The following HERC2 variants were observed in gnomAD, a reference collection of about 807,000 sequenced individuals.
HERC2 encodes the protein HECT and RLD domain containing E3 ubiquitin protein ligase 2, also known as E3 ubiquitin-protein ligase HERC2.
Under a neutral mutation model 537.7 loss-of-function variants are expected in HERC2, and 102 were observed. That is an observed-to-expected ratio of 0.19 (90% CI 0.16 to 0.22). The LOEUF is 0.22. HERC2 is among the 10% of genes least tolerant of loss of function. The pLI is 1.00. For missense variants in HERC2, 4,236 were observed against 6,198.2 expected (o/e 0.68, Z 10.63); for synonymous variants, 2,224 against 2,466.2 (o/e 0.90, Z 2.91).
Position 28,236,424 on chromosome 15 carries a change from G to A in HERC2, c.4003+539C>T, listed in dbSNP as rs2346092. 3.7e-3 allele frequency among the ~76,000 whole-genome samples: 562 copies of A among 151,762 alleles called. 4 individuals are homozygous for A. The highest frequency in any genetic ancestry group is 0.011 in the African/African-American group (473 of 41,352). The stretch of plus-strand genomic sequence containing the variant: ...TCCTACCTCAGCCTCCCGAGTAACT[G>A]GGATTACAGGCACCCGTCACCACGC... On this transcript the variant is annotated intron_variant, in intron 26 of 92. Coordinates refer to ENST00000261609, the MANE Select transcript of HERC2 (RefSeq NM_004667.6).
intron 69 of HERC2, among the ~76,000 whole-genome samples, chr15:28,155,672 A>G (rs1892934211): frequency 6.6e-6 from 1 of 151,894 alleles, no homozygotes; most frequent in South Asian, 2.1e-4. Flanking sequence ...GACCTTTGTC[A>G]GATGAGTAGA....
At chr15:28,121,665 G>A (rs1288710218) in intron 85 of HERC2, among the ~76,000 whole-genome samples, 1 of 152,148 alleles carries the variant, frequency 6.6e-6, no homozygotes, top group African/African-American at 2.4e-5. Context: ...AGGTCCCTCA[G>A]GAAACTACCT....
intron 79 of HERC2, among the ~76,000 whole-genome samples, chr15:28,133,346 T>C (rs1890300643): frequency 6.6e-6 from 1 of 152,202 alleles, no homozygotes; most frequent in Non-Finnish European, 1.5e-5. Flanking sequence ...TTTATATATT[T>C]TGGCTATCAG....
intron 86 of HERC2, 180 bp from the exon 87 acceptor site, chr15:28,117,334 A>T (rs1888379538): frequency 1.4e-6 from 1 of 720,262 alleles, no homozygotes; most frequent in Non-Finnish European, 2.5e-6. Context: ...TCGACTGTGG[A>T]CACCCGAGAC....
At chr15:28,117,246 G>GGGCCC in intron 86 of HERC2, 92 bp from the exon 87 acceptor site, 2 of 1,270,486 alleles carry the variant, frequency 1.6e-6, no homozygotes, top group East Asian at 2.3e-5. Flanking sequence ...GCACGAGGAG[G>GGGCCC]AGGCACCGTG....
At chr15:28,230,602 A>G in intron 30 of HERC2, 102 bp from the exon 31 acceptor site, 1 of 784,656 alleles carries the variant, frequency 1.3e-6, no homozygotes, top group Non-Finnish European at 2.1e-6. Context: ...ATCTCATTCA[A>G]ATAAACATCT....
rs1488362626 is a variant in HERC2 at position 28,177,718 on chromosome 15, AT to A, written c.9164-210del. Among the ~76,000 whole-genome samples, 9 of 152,334 alleles carry A rather than the reference AT, an allele frequency of 5.9e-5. No individual in the cohort carries two copies. In the East Asian group the frequency reaches 1.7e-3, roughly 29 times the overall value. On this transcript the variant is annotated intron_variant, in intron 59 of 92. Coordinates refer to ENST00000261609, the MANE Select transcript of HERC2 (RefSeq NM_004667.6). This position sits in a 1 kb window ranked among gnomAD's most constrained non-coding sequence, Gnocchi z 5.0. Reference sequence around the variant, plus strand: ...TAGGTGAATTTTCACTAAACTACAAATTTTAACTCTAGAAAGAATTTGCAAA... The same window carrying A: ...TAGGTGAATTTTCACTAAACTACAAATTTAACTCTAGAAAGAATTTGCAAA...
rs1282370770 is a variant in HERC2, at chr15:28,113,294, ATGTC to A, written c.14020-15_14020-12del. ...AGGGCTGCCACACACCTGCGGGAGG[ATGTC>A]TGTCAGGGCCGCGTGATGCTTCCCA... On this transcript the variant is annotated splice_polypyrimidine_tract_variant and intron_variant, in intron 91 of 92. Coordinates refer to ENST00000261609, the MANE Select transcript of HERC2 (RefSeq NM_004667.6). The surrounding 1 kb of genome is among the most constrained non-coding windows in gnomAD (Gnocchi z 7.0). The A allele has an allele frequency of 1.2e-6, 2 of 1,613,312 alleles. No homozygotes were observed. Among genetic ancestry groups the A allele is most frequent in the South Asian group, 2.2e-5 (2 of 91,054 alleles).
chr15:28,224,442 A>C lies in HERC2; in HGVS notation c.5465-2227T>G, dbSNP rs1221885877. ...TCTCTATGTTGCCCAAGTTGGTCTC[A>C]AACTCCTGAGCTCAAGCGACCCACC... On this transcript the variant is annotated intron_variant, in intron 35 of 92. Coordinates refer to ENST00000261609, the MANE Select transcript of HERC2 (RefSeq NM_004667.6). 2.0e-5 allele frequency among the ~76,000 whole-genome samples: 3 copies of C among 152,296 alleles called. No individual in the cohort carries two copies. In the South Asian group the frequency reaches 6.2e-4, roughly 32 times the overall value.
At chr15:28,279,008 T>C (rs1333039180) in intron 5 of HERC2, among the ~76,000 whole-genome samples, 1 of 152,214 alleles carries the variant, frequency 6.6e-6, no homozygotes, top group Non-Finnish European at 1.5e-5. Context: ...CTCTTTTTTT[T>C]GCTTCTTTTT....
intron 74 of HERC2, among the ~76,000 whole-genome samples, chr15:28,143,314 A>G (rs538145487): frequency 2.1e-4 from 32 of 152,320 alleles, no homozygotes; most frequent in Non-Finnish European, 4.0e-4. Context: ...GCCTCATTGT[A>G]AAGTCCAATC....
chr15:28,147,220 CGA>C (rs1411090493), intron 70 of HERC2, among the ~76,000 whole-genome samples: 1 of 151,920 alleles, frequency 6.6e-6, no homozygotes, highest in Admixed American at 6.6e-5. Context: ...AGATATAAAG[CGA>C]GAGAGAAACA....
At position 28,176,675 on chromosome 15, in the gene HERC2, C is replaced by A; in HGVS notation, c.9514+12G>T. On this transcript the variant is annotated intron_variant, in intron 62 of 92. Transcript: ENST00000261609. The surrounding 1 kb of genome is among the most constrained non-coding windows in gnomAD (Gnocchi z 5.0). ...ACCCACCCAGAAGCACAGAATCCTG[C>A]CAGCCACTCACCTTCATCGGTCAGA... is the stretch of plus-strand genomic sequence containing the variant. The A allele has an allele frequency of 6.2e-7, 1 of 1,614,018 alleles. No homozygotes were observed. The highest frequency in any genetic ancestry group is 8.5e-7 in the Non-Finnish European group (1 of 1,179,934).
intron 83 of HERC2, among the ~76,000 whole-genome samples, chr15:28,125,874 G>A (rs989416459): frequency 1.3e-5 from 2 of 152,230 alleles, no homozygotes; most frequent in South Asian, 2.1e-4. Context: ...GCAGTGGTGC[G>A]ATCTCAAGCT....
chr15:28,275,010 A>T lies in HERC2; in HGVS notation c.543-5T>A, dbSNP rs536439156. The T allele has an allele frequency of 8.8e-6, 14 of 1,592,886 alleles. No homozygotes were observed. The South Asian group carries it at 1.4e-4, about 16-fold the overall frequency. ...CCTTTGCCCGCAGGCCGGGAACTGC[A>T]GACGACACACACGGAACATACAACC... On this transcript the variant is annotated splice_polypyrimidine_tract_variant and splice_region_variant and intron_variant, in intron 5 of 92. Coordinates refer to ENST00000261609, the MANE Select transcript of HERC2 (RefSeq NM_004667.6).
rs766881059 is a variant in HERC2 at position 28,254,299 on chromosome 15, A to G, written c.3050+41T>C. 3 of 1,404,726 alleles carry G rather than the reference A, an allele frequency of 2.1e-6. No homozygotes were observed. The African/African-American group carries it at 4.4e-5, about 21-fold the overall frequency. 87.0% of individuals were successfully genotyped at this position (1,404,726 alleles called of 1,614,324 possible). A position where few individuals can be genotyped will look rare whatever the true frequency, so the allele number is the denominator to read the frequency against. On this transcript the variant is annotated intron_variant, in intron 20 of 92. Coordinates refer to ENST00000261609, the MANE Select transcript of HERC2 (RefSeq NM_004667.6). The stretch of plus-strand genomic sequence containing the variant: ...CTCTGTCACACACACAAAAAAAAGT[A>G]AATAAATAACATATAATACAATACA...
chr15:28,293,638 C>G (rs971418432), intron 3 of HERC2, among the ~76,000 whole-genome samples: 4 of 152,144 alleles, frequency 2.6e-5, no homozygotes, highest in African/African-American at 9.7e-5. Context: ...ACACCAATTG[C>G]TTTTATCCAG....
rs111263444 is a variant in HERC2, at chr15:28,124,109, C to G, written c.13116G>C (p.Ser4372=). 2 of 1,607,070 alleles carry G rather than the reference C, an allele frequency of 1.2e-6. No individual in the cohort carries two copies. The highest frequency in any genetic ancestry group is 1.7e-5 in the Admixed American group (1 of 58,998). ...AAGGCCCGAGTCCAGTTTCGTCGAG[C>G]GAGCCTTCCAGGTCGAACATGGGGA... ...PCIPMFDLEG[S]LDETGLGPSV... is the part of the protein sequence containing the mutation. The change falls in exon 85 of 93, where the codon TCG becomes TCC. Residue 4372 remains serine, a synonymous_variant. Transcript: ENST00000261609.
Position 28,186,515 on chromosome 15 carries a change from G to A in HERC2, c.8825+62C>T, listed in dbSNP as rs201774473. 860 of 1,369,924 alleles carry A rather than the reference G, an allele frequency of 6.3e-4. 3 individuals carry two copies. The highest frequency in any genetic ancestry group is 6.5e-4 in the Admixed American group (33 of 50,876). 84.9% of individuals were successfully genotyped at this position (1,369,924 alleles called of 1,614,324 possible). On this transcript the variant is annotated intron_variant, in intron 56 of 92. Coordinates refer to ENST00000261609, the MANE Select transcript of HERC2 (RefSeq NM_004667.6). Reference sequence around the variant, plus strand: ...ACATTCTAATTAAATGTTTCCTTTCGAAAGTGAGGATCCAGGAATGTAGCG... The same window carrying A: ...ACATTCTAATTAAATGTTTCCTTTCAAAAGTGAGGATCCAGGAATGTAGCG...
Sources: gnomAD v4.1 joint callset for allele counts (sites outside exome capture counted in the v4.1 genomes callset) on GRCh38, gnomAD v4.1.1 for gene constraint, Gnocchi (gnomAD v3.1) non-coding constraint, MANE v1.5 for transcripts, NCBI Gene and HGNC (gene_info 2026-07-23, HGNC 2026-07-21) for gene names.